The following FAF1 variants were observed in gnomAD, a reference collection of about 807,000 sequenced individuals.
FAF1 encodes Fas associated factor 1.
A neutral mutation model predicts 92.5 loss-of-function variants in FAF1; 25 were observed. The ratio of observed to expected loss-of-function variants is 0.27; its 90% CI spans 0.20 to 0.38. FAF1 has a LOEUF of 0.38. FAF1 is among the 10% of genes least tolerant of loss of function. The probability of loss-of-function intolerance (pLI) is 1.00; values close to 1 mark genes in which losing one functional copy is unlikely to be tolerated. For synonymous variants in FAF1, 234 were observed against 273.2 expected, an observed-to-expected ratio of 0.86 and a Z score of 1.42; for missense variants, 636 against 793.3, an observed-to-expected ratio of 0.80 and a Z score of 2.38.
intron 1 of FAF1, among the ~76,000 whole-genome samples, chr1:50,938,318 G>A (rs904842530): frequency 2.6e-5 from 4 of 152,098 alleles, no homozygotes; most frequent in African/African-American, 9.7e-5. Flanking sequence ...CTTCATAAAG[G>A]TCTCCTAAAA....
intron 14 of FAF1, 77 bp from the exon 15 acceptor site, chr1:50,535,534 G>A: frequency 2.6e-6 from 2 of 772,564 alleles, no homozygotes; most frequent in Non-Finnish European, 2.1e-6. Context: ...ATTAGAAACT[G>A]GAAAGTCATT....
chr1:50,952,765 G>A (rs6678244), intron 1 of FAF1, among the ~76,000 whole-genome samples: 78,351 of 150,416 alleles, frequency 0.52, 21,921 homozygotes, highest in East Asian at 0.82. Context: ...CCGCCACCCC[G>A]TCTGGGAGGT....
chr1:50,601,497 C>T (rs1397433866), intron 8 of FAF1, among the ~76,000 whole-genome samples: 3 of 152,124 alleles, frequency 2.0e-5, no homozygotes, highest in African/African-American at 7.2e-5. Flanking sequence ...GCCTGACCAA[C>T]GTGGTGAAAC....
intron 2 of FAF1, among the ~76,000 whole-genome samples, chr1:50,829,206 G>A (rs1026955838): frequency 2.0e-5 from 3 of 152,110 alleles, no homozygotes; most frequent in Admixed American, 6.5e-5. Flanking sequence ...CCACTTTCAT[G>A]AAAGCAGTAA....
At chr1:50,584,170 T>C (rs1463836377) in intron 10 of FAF1, among the ~76,000 whole-genome samples, 1 of 152,118 alleles carries the variant, frequency 6.6e-6, no homozygotes, top group African/African-American at 2.4e-5. Context: ...ACAAAGTAAA[T>C]AGGCCATTAT....
At chr1:50,503,608 C>T (rs539299905) in intron 15 of FAF1, among the ~76,000 whole-genome samples, 53 of 149,714 alleles carry the variant, frequency 3.5e-4, no homozygotes, top group African/African-American at 1.3e-3. Flanking sequence ...GAGTGATTCC[C>T]TGTCTCTTTA....
At chr1:50,678,868 C>T (rs754504531) in intron 7 of FAF1, among the ~76,000 whole-genome samples, 10 of 148,878 alleles carry the variant, frequency 6.7e-5, no homozygotes, top group Non-Finnish European at 1.2e-4. Context: ...AGGCGGATCA[C>T]GAGGTCAGGA....
At chr1:50,910,085 T>C (rs141643976) in intron 1 of FAF1, among the ~76,000 whole-genome samples, 1,987 of 152,330 alleles carry the variant, frequency 0.013, 43 homozygotes, top group African/African-American at 0.044. Context: ...TTCTGTTTGT[T>C]AGTTTTCCTT....
At chr1:50,498,571 T>G (rs1354248657) in intron 15 of FAF1, among the ~76,000 whole-genome samples, 1 of 151,896 alleles carries the variant, frequency 6.6e-6, no homozygotes, top group Admixed American at 6.6e-5. Flanking sequence ...AATTAAAAAA[T>G]GGTCAAAGGC....
chr1:50,912,080 C>T (rs543693221), intron 1 of FAF1, among the ~76,000 whole-genome samples: 76 of 151,502 alleles, frequency 5.0e-4, no homozygotes, highest in Non-Finnish European at 9.3e-4. Flanking sequence ...TGACGCACAA[C>T]GAAGCACACT....
chr1:50,941,669 A>T (rs1158761785), intron 1 of FAF1, among the ~76,000 whole-genome samples: 1 of 152,166 alleles, frequency 6.6e-6, no homozygotes, highest in African/African-American at 2.4e-5. Context: ...GATGCATTTG[A>T]ATTTGCTTTA....
chr1:50,712,868 T>C (rs985218302), intron 6 of FAF1, among the ~76,000 whole-genome samples: 1 of 151,658 alleles, frequency 6.6e-6, no homozygotes, highest in Non-Finnish European at 1.5e-5. Context: ...AGCAGTCTTT[T>C]ACCTTCAAGT....
chr1:50,674,712 G>A (rs1000752049), intron 7 of FAF1, among the ~76,000 whole-genome samples: 1 of 151,930 alleles, frequency 6.6e-6, no homozygotes. Flanking sequence ...GTCACAGCCT[G>A]GCAATCATAG....
chr1:50,898,193 C>G (rs1162427267), intron 1 of FAF1, among the ~76,000 whole-genome samples: 1 of 152,142 alleles, frequency 6.6e-6, no homozygotes, highest in African/African-American at 2.4e-5. Context: ...GTAGTCCCAG[C>G]TACCCAGGAG....
At chr1:50,462,960 T>A (rs1430049852) in intron 18 of FAF1, among the ~76,000 whole-genome samples, 1 of 152,228 alleles carries the variant, frequency 6.6e-6, no homozygotes, top group Non-Finnish European at 1.5e-5. Flanking sequence ...GGACTGCTAC[T>A]GTTTGAGAGG....
intron 7 of FAF1, among the ~76,000 whole-genome samples, chr1:50,696,504 T>C (rs778394496): frequency 1.6e-4 from 25 of 152,284 alleles, no homozygotes; most frequent in Non-Finnish European, 1.3e-4. Context: ...ACTTTGTGGG[T>C]ATTTGACTTT....
chr1:50,772,516 C>G (rs1042100561), intron 4 of FAF1, among the ~76,000 whole-genome samples: 16 of 152,088 alleles, frequency 1.1e-4, no homozygotes, highest in African/African-American at 3.6e-4. Flanking sequence ...TACACCACAG[C>G]CATAAAAAAA....
At chr1:50,692,035 G>A (rs1251522579) in intron 7 of FAF1, among the ~76,000 whole-genome samples, 1 of 152,084 alleles carries the variant, frequency 6.6e-6, no homozygotes, top group African/African-American at 2.4e-5. Context: ...GGGCAACATG[G>A]TGAAACCTCA....
intron 2 of FAF1, among the ~76,000 whole-genome samples, chr1:50,851,174 AG>A (rs1353716941): frequency 5.4e-5 from 8 of 148,312 alleles, no homozygotes; most frequent in African/African-American, 1.0e-4. Context: ...TCTGCTTTCC[AG>A]GTTCAAGTGA....
Sources: allele counts gnomAD v4.1 joint callset (sites outside exome capture counted in the v4.1 genomes callset), GRCh38; gene constraint gnomAD v4.1.1; transcripts MANE v1.5; gene names NCBI Gene and HGNC (gene_info 2026-07-23, HGNC 2026-07-21).